CADPS: variants seen among roughly 807,000 people sequenced by gnomAD.
CADPS encodes the protein calcium dependent secretion activator, also known as calcium-dependent secretion activator 1.
A neutral mutation model predicts 167.3 loss-of-function variants in CADPS; 57 were observed. The observed-to-expected ratio is 0.34, with a 90% CI of 0.28 to 0.42. The LOEUF is 0.42. Ranked by LOEUF, CADPS falls within the 20% of genes least tolerant of loss-of-function variation. The pLI is 1.00. For missense variants in CADPS, 1,414 were observed against 1,738.1 expected (o/e 0.81, Z 3.32); for synonymous variants, 676 against 635.3 (o/e 1.06, Z -0.96).
At chr3:62,590,356 G>A (rs1225904298) in intron 7 of CADPS, among the ~76,000 whole-genome samples, 1 of 152,098 alleles carries the variant, frequency 6.6e-6, no homozygotes, top group Non-Finnish European at 1.5e-5. Context: ...TACTGGAAAA[G>A]GAGAAATTTG....
intron 1 of CADPS, among the ~76,000 whole-genome samples, chr3:62,792,397 G>T (rs1238537216): frequency 6.6e-6 from 1 of 151,736 alleles, no homozygotes; most frequent in African/African-American, 2.4e-5. Context: ...TAGAGACAGG[G>T]TCTTACTAAG....
intron 3 of CADPS, among the ~76,000 whole-genome samples, chr3:62,704,368 C>T (rs1449200650): frequency 3.3e-5 from 5 of 152,074 alleles, no homozygotes; most frequent in Non-Finnish European, 5.9e-5. Context: ...CTGTGAGATG[C>T]TTGTCTGTGC....
chr3:62,699,637 T>C (rs71296789), intron 3 of CADPS, among the ~76,000 whole-genome samples: 12,079 of 152,192 alleles, frequency 0.079, 635 homozygotes, highest in Non-Finnish European at 0.12. Context: ...GGTGCCATCT[T>C]GGCTTACTAC....
intron 26 of CADPS, among the ~76,000 whole-genome samples, chr3:62,457,432 T>A (rs1192549628): frequency 1.3e-5 from 2 of 152,170 alleles, no homozygotes; most frequent in African/African-American, 4.8e-5. Flanking sequence ...AACATTTTGA[T>A]TAATAAAGAG....
chr3:62,633,785 G>C (rs1442552478), intron 6 of CADPS, among the ~76,000 whole-genome samples: 1 of 152,084 alleles, frequency 6.6e-6, no homozygotes, highest in Non-Finnish European at 1.5e-5. Context: ...TGCTAAATGG[G>C]CTGAGGATTA....
At chr3:62,695,163 A>T (rs1310548954) in intron 3 of CADPS, among the ~76,000 whole-genome samples, 1 of 152,040 alleles carries the variant, frequency 6.6e-6, no homozygotes, top group African/African-American at 2.4e-5. Flanking sequence ...ACAAAGATAG[A>T]TGTGATGATT....
chr3:62,536,349 T>C, intron 12 of CADPS, 96 bp downstream of exon 12: 1 of 1,064,912 alleles, frequency 9.4e-7, no homozygotes, highest in Admixed American at 2.3e-5. Context: ...AGGGATTCTG[T>C]AATGGAGAAA....
chr3:62,691,338 G>A (rs2079075506), intron 3 of CADPS, among the ~76,000 whole-genome samples: 1 of 151,934 alleles, frequency 6.6e-6, no homozygotes, highest in Non-Finnish European at 1.5e-5. Context: ...GGGGGATAAT[G>A]ATATATCAGT....
chr3:62,647,755 A>G (rs1429620977), intron 5 of CADPS, among the ~76,000 whole-genome samples: 2 of 152,216 alleles, frequency 1.3e-5, no homozygotes, highest in Admixed American at 6.5e-5. Context: ...CTGACTTCAC[A>G]TCCTGATTAT....
intron 1 of CADPS, among the ~76,000 whole-genome samples, chr3:62,859,590 C>T (rs1251028563): frequency 6.6e-6 from 1 of 152,140 alleles, no homozygotes; most frequent in Non-Finnish European, 1.5e-5. Context: ...CTTTGAAGGT[C>T]TATACTGCTG....
At chr3:62,624,195 T>C (rs1233734971) in intron 6 of CADPS, among the ~76,000 whole-genome samples, 9 of 146,698 alleles carry the variant, frequency 6.1e-5, no homozygotes, top group Non-Finnish European at 1.5e-5. Flanking sequence ...CATCCAGTAG[T>C]AGGGAAATTT....
At chr3:62,766,070 T>A in intron 1 of CADPS, 86 bp from the exon 2 acceptor site, 1 of 899,858 alleles carries the variant, frequency 1.1e-6, no homozygotes, top group Admixed American at 2.0e-5. Context: ...GCCAGACCCA[T>A]TGGTGTATTG....
At position 62,651,111 on chromosome 3, in the gene CADPS, G is replaced by A. The variant is rs766414063; in HGVS notation, c.970-31C>T. 6.9e-6 allele frequency: 10 copies of A among 1,455,776 alleles called. No individual in the cohort carries two copies. In the South Asian group the frequency reaches 1.0e-4, roughly 15 times the overall value. The allele number at this position is 1,455,776 out of a possible 1,614,324, so 90.2% of individuals were successfully genotyped here. ...GAAGAAAAAGAAAAGTATGAGCAGA[G>A]GAGAAAATAGAAAGCTGATTTATAA... On this transcript the variant is annotated intron_variant, in intron 4 of 29. Coordinates refer to ENST00000383710, the MANE Select transcript of CADPS (RefSeq NM_003716.4).
At position 62,466,334 on chromosome 3, in the gene CADPS, GT is replaced by G; in HGVS notation, c.3552+4del. The G allele has an allele frequency of 6.3e-7, 1 of 1,598,774 alleles. No homozygotes were observed. The highest frequency in any genetic ancestry group is 8.6e-7 in the Non-Finnish European group (1 of 1,166,230). ...TGAAACATTTCACCTGAAGCTGGAG[GT>G]TACCTTTGCAACCAAGAGTGTTATC... is the stretch of plus-strand genomic sequence containing the variant. On this transcript the variant is annotated splice_donor_region_variant and intron_variant, in intron 25 of 29. Transcript: ENST00000383710.
chr3:62,725,748 T>C (rs994400882), intron 3 of CADPS, among the ~76,000 whole-genome samples: 1 of 151,900 alleles, frequency 6.6e-6, no homozygotes, highest in Non-Finnish European at 1.5e-5. Flanking sequence ...AAAAATATGT[T>C]AGGTCTTGCT....
chr3:62,492,544 GT>G, intron 19 of CADPS, 98 bp from the exon 20 acceptor site: 1 of 1,148,320 alleles, frequency 8.7e-7, no homozygotes, highest in South Asian at 1.4e-5. Context: ...AAAATTAATG[GT>G]GCATCCAGCA....
rs999316832 is a variant in CADPS at position 62,875,332 on chromosome 3, C to T, written c.-303G>A. 3 of 192,304 alleles carry T rather than the reference C, an allele frequency of 1.6e-5. No individual in the cohort carries two copies. The highest frequency in any genetic ancestry group is 3.9e-3 in the Middle Eastern group (2 of 518). 11.9% of individuals were successfully genotyped at this position (192,304 alleles called of 1,614,324 possible). On this transcript the variant is annotated 5_prime_UTR_variant, in exon 1 of 30. Transcript: ENST00000383710. ...GCCCGCAGCCGGATGCCATCTGCGGCTGCTGAAGGAGGCGCCTCCAGAAAA... is the reference window on the plus strand; with the variant it reads ...GCCCGCAGCCGGATGCCATCTGCGGTTGCTGAAGGAGGCGCCTCCAGAAAA...
chr3:62,463,389 T>C (rs2059602085), intron 26 of CADPS, among the ~76,000 whole-genome samples: 1 of 152,210 alleles, frequency 6.6e-6, no homozygotes, highest in South Asian at 2.1e-4. Context: ...AGCAATGTCT[T>C]CTACGGGTGT....
chr3:62,587,832 G>A (rs1000538515), intron 7 of CADPS, among the ~76,000 whole-genome samples: 2 of 152,180 alleles, frequency 1.3e-5, no homozygotes, highest in Non-Finnish European at 2.9e-5. Flanking sequence ...AGTGACCACA[G>A]CTCTCTTCTG....
Sources: gnomAD v4.1 joint callset for allele counts (sites outside exome capture counted in the v4.1 genomes callset) on GRCh38, gnomAD v4.1.1 for gene constraint, MANE v1.5 for transcripts, NCBI Gene and HGNC (gene_info 2026-07-23, HGNC 2026-07-21) for gene names.